Variants in C10orf67 observed in about 807,000 individuals in gnomAD.
The protein encoded by C10orf67 is chromosome 10 open reading frame 67.
Under a neutral mutation model 35.6 loss-of-function variants are expected in C10orf67, and 60 were observed. That is an observed-to-expected ratio of 1.68 (90% CI 1.37 to 2.09). The LOEUF is 2.09. Among genes scored for constraint, C10orf67 ranks in the 30% most tolerant of loss-of-function variants. The probability of loss-of-function intolerance (pLI) is 0.00; values close to 1 mark genes in which losing one functional copy is unlikely to be tolerated. For synonymous variants in C10orf67, 167 were observed against 115.8 expected, an observed-to-expected ratio of 1.44 and a Z score of -2.84; for missense variants, 474 against 330.2, an observed-to-expected ratio of 1.44 and a Z score of -3.38.
chr10:23,218,090 C>T (rs566014675), intron 15 of C10orf67, among the ~76,000 whole-genome samples: 3 of 152,098 alleles, frequency 2.0e-5, no homozygotes, highest in Non-Finnish European at 4.4e-5. Context: ...CTATACCATT[C>T]GGAATTCACT....
At chr10:23,282,124 A>T (rs764294341) in intron 7 of C10orf67, 46 bp from the exon 8 acceptor site, 33 of 474,144 alleles carry the variant, frequency 7.0e-5, no homozygotes, top group Admixed American at 1.7e-4. Flanking sequence ...TAAGAACAGA[A>T]CACCTAAAAT....
Position 23,311,212 on chromosome 10 carries a change from A to G in C10orf67, c.547-7753T>C, listed in dbSNP as rs541306691. On this transcript the variant is annotated intron_variant, in intron 4 of 15. Coordinates refer to ENST00000636213, the MANE Select transcript of C10orf67 (RefSeq NM_001371909.1). ...TGAAACCCAAGAGTCCCATTTTAAC[A>G]TCCCATCTTAGGGTGGCTTACTAAA... 3.3e-5 allele frequency among the ~76,000 whole-genome samples: 5 copies of G among 152,328 alleles called. 1 individual carries two copies. The highest frequency in any genetic ancestry group is 1.2e-4 in the African/African-American group (5 of 41,582).
chr10:23,256,969 C>T (rs1842618647), intron 10 of C10orf67, among the ~76,000 whole-genome samples: 1 of 152,180 alleles, frequency 6.6e-6, no homozygotes, highest in South Asian at 2.1e-4. Flanking sequence ...CAGGCCACTC[C>T]TTTCTCAGAA....
At chr10:23,236,142 G>A (rs578215054) in intron 13 of C10orf67, among the ~76,000 whole-genome samples, 8 of 151,180 alleles carry the variant, frequency 5.3e-5, no homozygotes, top group South Asian at 2.1e-4. Flanking sequence ...CCAGCTACTC[G>A]GGAGGCTGAG....
intron 12 of C10orf67, among the ~76,000 whole-genome samples, chr10:23,249,002 C>T (rs890346804): frequency 2.6e-5 from 4 of 151,188 alleles, no homozygotes; most frequent in Admixed American, 1.3e-4. Context: ...TGGTGGTGGG[C>T]GCCTGTAATC....
chr10:23,336,148 C>T (rs562075305), intron 1 of C10orf67, among the ~76,000 whole-genome samples: 1 of 152,044 alleles, frequency 6.6e-6, no homozygotes, highest in African/African-American at 2.4e-5. Flanking sequence ...TAGTGGGAGA[C>T]TGGATACATT....
In C10orf67 at chr10:23,328,638, G is replaced by A. The variant is rs973548669; in HGVS notation, c.327+4424C>T. ...CAATGCAGTTGTTTTTTCTAAACAC[G>A]GAGCTATATGCTATCCTAATTGATA... On this transcript the variant is annotated intron_variant, in intron 2 of 15. Transcript: ENST00000636213. Among the ~76,000 whole-genome samples, 14 of 150,330 alleles carry A rather than the reference G, an allele frequency of 9.3e-5. 1 individual carries two copies. The highest frequency in any genetic ancestry group is 6.6e-4 in the Admixed American group (10 of 15,080).
Position 23,213,736 on chromosome 10 carries a change from G to A in C10orf67, c.1571-9481C>T, listed in dbSNP as rs191387217. 3.0e-3 allele frequency among the ~76,000 whole-genome samples: 459 copies of A among 152,154 alleles called. 4 individuals are homozygous for A. The highest frequency in any genetic ancestry group is 0.011 in the African/African-American group (438 of 41,534). ...CAGCTTTCAGCTTTCAAATCAGCAT[G>A]GGGGAAACGATAAAATACAGAAAAT... On this transcript the variant is annotated intron_variant, in intron 15 of 15. Coordinates refer to ENST00000636213, the MANE Select transcript of C10orf67 (RefSeq NM_001371909.1).
intron 8 of C10orf67, among the ~76,000 whole-genome samples, chr10:23,280,670 G>A (rs752199561): frequency 8.5e-5 from 13 of 152,142 alleles, no homozygotes; most frequent in Non-Finnish European, 1.6e-4. Context: ...AGCTTGGGGC[G>A]CAACAAACTT....
chr10:23,223,906 G>C, intron 13 of C10orf67, 88 bp from the exon 14 acceptor site: 4 of 682,680 alleles, frequency 5.9e-6, no homozygotes, highest in South Asian at 4.8e-5. Flanking sequence ...GCCTTTAGTT[G>C]ACCAAGATAT....
At chr10:23,325,053 C>T (rs1564514387) in intron 2 of C10orf67, among the ~76,000 whole-genome samples, 1 of 152,014 alleles carries the variant, frequency 6.6e-6, no homozygotes, top group Non-Finnish European at 1.5e-5. Flanking sequence ...AAACTTTGAA[C>T]AAGCCAGGCA....
intron 5 of C10orf67, among the ~76,000 whole-genome samples, chr10:23,294,604 T>G (rs968229234): frequency 6.6e-6 from 1 of 152,206 alleles, no homozygotes; most frequent in African/African-American, 2.4e-5. Context: ...TTCAGGATGT[T>G]CCCATCTGGA....
chr10:23,341,638 C>T (rs1230032385), intron 1 of C10orf67, among the ~76,000 whole-genome samples: 5 of 152,218 alleles, frequency 3.3e-5, no homozygotes, highest in East Asian at 1.9e-4. Context: ...TAAAGTCCCT[C>T]GCCACAGGCA....
chr10:23,214,402 G>A (rs528632965), intron 15 of C10orf67, among the ~76,000 whole-genome samples: 109 of 152,234 alleles, frequency 7.2e-4, no homozygotes, highest in African/African-American at 2.5e-3. Context: ...AAATCTCTGT[G>A]TTAAAGAGAC....
intron 4 of C10orf67, among the ~76,000 whole-genome samples, chr10:23,315,506 A>G (rs940807714): frequency 1.3e-5 from 2 of 152,084 alleles, no homozygotes; most frequent in African/African-American, 2.4e-5. Flanking sequence ...TGGCATGATC[A>G]TGGCTCACTG....
intron 2 of C10orf67, among the ~76,000 whole-genome samples, chr10:23,325,546 A>T (rs4489645): frequency 7.0e-6 from 1 of 143,060 alleles, no homozygotes; most frequent in African/African-American, 2.6e-5. Context: ...AAAAAAAAAA[A>T]CAAAAAACAA....
At chr10:23,283,173 T>C (rs1477316740) in intron 7 of C10orf67, among the ~76,000 whole-genome samples, 1 of 152,174 alleles carries the variant, frequency 6.6e-6, no homozygotes, top group Non-Finnish European at 1.5e-5. Context: ...TTTCATATAC[T>C]CTGTAAATAT....
chr10:23,250,176 G>T (rs745691681), intron 12 of C10orf67, among the ~76,000 whole-genome samples: 1 of 152,134 alleles, frequency 6.6e-6, no homozygotes, highest in African/African-American at 2.4e-5. Context: ...GAAAGAAGAT[G>T]ACTAAATAGG....
At chr10:23,326,389 A>G (rs1447939902) in intron 2 of C10orf67, among the ~76,000 whole-genome samples, 1 of 152,194 alleles carries the variant, frequency 6.6e-6, no homozygotes, top group African/African-American at 2.4e-5. Flanking sequence ...GTAAAGTGAG[A>G]AAACAAAACA....
Sources: allele counts gnomAD v4.1 joint callset (sites outside exome capture counted in the v4.1 genomes callset), GRCh38; gene constraint gnomAD v4.1.1; transcripts MANE v1.5; gene names NCBI Gene and HGNC (gene_info 2026-07-23, HGNC 2026-07-21).